The following KIF13B variants were observed in gnomAD, a reference collection of about 807,000 sequenced individuals.
KIF13B encodes the protein kinesin-like protein KIF13B.
KIF13B carries 127 observed loss-of-function variants against 222.0 expected under a neutral mutation model. That is an observed-to-expected ratio of 0.57 (90% CI 0.50 to 0.66). The LOEUF is 0.66. KIF13B is among the 30% of genes least tolerant of loss of function. The probability of loss-of-function intolerance (pLI) is 0.00; values close to 1 mark genes in which losing one functional copy is unlikely to be tolerated. For synonymous variants in KIF13B, 976 were observed against 919.0 expected (o/e 1.06, Z -1.12); for missense variants, 2,173 against 2,379.0 (o/e 0.91, Z 1.80).
intron 1 of KIF13B, among the ~76,000 whole-genome samples, chr8:29,257,750 T>C (rs1816538899): frequency 6.6e-6 from 1 of 151,982 alleles, no homozygotes; most frequent in South Asian, 2.1e-4. Context: ...AGGTTGAGGA[T>C]GCAGTGAGTG....
At chr8:29,091,258 C>T (rs965169138) in intron 37 of KIF13B, among the ~76,000 whole-genome samples, 2 of 152,202 alleles carry the variant, frequency 1.3e-5, no homozygotes, top group African/African-American at 2.4e-5. Flanking sequence ...GCTAATCACT[C>T]GTTGCCAAAA....
chr8:29,075,845 C>A (rs1178796956), intron 37 of KIF13B, among the ~76,000 whole-genome samples: 3 of 152,180 alleles, frequency 2.0e-5, no homozygotes, highest in Non-Finnish European at 2.9e-5. Context: ...CGGAAACTAA[C>A]CCTACTCAGG....
chr8:29,123,994 G>A (rs1407271048), intron 27 of KIF13B, 30 bp downstream of exon 27: 1 of 1,349,694 alleles, frequency 7.4e-7, no homozygotes, highest in Admixed American at 1.7e-5. Context: ...GATTTGCAGG[G>A]GAGAAAAATA....
upstream of KIF13B, chr8:29,263,085 C>T (rs1816750464): frequency 2.0e-6 from 3 of 1,526,430 alleles, no homozygotes; most frequent in East Asian, 5.1e-5. Flanking sequence ...CGGCCACCGG[C>T]GACTCTTCGG....
chr8:29,210,109 A>G (rs1814151218), intron 2 of KIF13B, among the ~76,000 whole-genome samples: 3 of 152,118 alleles, frequency 2.0e-5, no homozygotes, highest in Admixed American at 2.0e-4. Flanking sequence ...GCAGGAAAGT[A>G]GTAGGAAGAG....
chr8:29,233,619 T>TGAGG (rs1815381856), intron 2 of KIF13B, among the ~76,000 whole-genome samples: 1 of 152,234 alleles, frequency 6.6e-6, no homozygotes, highest in Admixed American at 6.5e-5. Context: ...TAAATATTAG[T>TGAGG]GAGGGCAATA....
chr8:29,128,826 A>G (rs568851910), intron 24 of KIF13B, among the ~76,000 whole-genome samples: 3 of 152,336 alleles, frequency 2.0e-5, no homozygotes, highest in African/African-American at 7.2e-5. Flanking sequence ...CACTTTTCAC[A>G]TGGTTAAAGC....
chr8:29,140,223 T>G (rs1419608468), intron 20 of KIF13B, 32 bp from the exon 21 acceptor site: 2 of 1,612,328 alleles, frequency 1.2e-6, no homozygotes, highest in East Asian at 4.5e-5. Flanking sequence ...GAAACATTTC[T>G]CCAGATTTGG....
rs554993674 is a variant in KIF13B, at chr8:29,155,793, G to A, written c.1468C>T (p.Pro490Ser). 5.6e-6 allele frequency: 9 copies of A among 1,598,050 alleles called. No individual in the cohort carries two copies. In the African/African-American group the frequency reaches 1.1e-4, roughly 19 times the overall value. ...DIQLCGMGIL[P>S]EHCIIDITSE... is the part of the protein sequence containing the mutation. Reference sequence around the variant, plus strand: ...GTGATGTCTATAATACAGTGTTCAGGAAGAATTCCCATGCCGCACAGTTGG... The same window carrying A: ...GTGATGTCTATAATACAGTGTTCAGAAAGAATTCCCATGCCGCACAGTTGG... Residue 490 changes from proline to serine, a missense_variant, in exon 14 of 40, where the codon CCT becomes TCT. Physicochemically the swap from Pro to Ser is moderately conservative, Grantham distance 74. This residue lies in a region of KIF13B where 1,480 missense variants were observed against 1,722.8 expected (regional missense o/e 0.86). Coordinates refer to ENST00000524189, the MANE Select transcript of KIF13B (RefSeq NM_015254.4).
intron 37 of KIF13B, among the ~76,000 whole-genome samples, chr8:29,082,426 A>T (rs558286935): frequency 4.2e-4 from 64 of 152,294 alleles, no homozygotes; most frequent in African/African-American, 1.5e-3. Context: ...AGTTTACTTT[A>T]CAAACTTCCA....
chr8:29,210,248 T>TA (rs1814157848), intron 2 of KIF13B, among the ~76,000 whole-genome samples: 1 of 152,194 alleles, frequency 6.6e-6, no homozygotes, highest in African/African-American at 2.4e-5. Flanking sequence ...TGACATTCAG[T>TA]ATACCTTTGT....
intron 19 of KIF13B, 65 bp downstream of exon 19, chr8:29,142,092 A>G: frequency 7.5e-7 from 1 of 1,330,758 alleles, no homozygotes; most frequent in South Asian, 1.2e-5. Flanking sequence ...TGAAATGGGT[A>G]GACTCATTCC....
intron 2 of KIF13B, among the ~76,000 whole-genome samples, chr8:29,226,451 T>C (rs1013289574): frequency 1.3e-5 from 2 of 152,178 alleles, no homozygotes; most frequent in African/African-American, 4.8e-5. Context: ...ATTTGTAGCA[T>C]GGGAGCCCTT....
chr8:29,175,559 C>T (rs1211588007), intron 10 of KIF13B, among the ~76,000 whole-genome samples: 3 of 152,230 alleles, frequency 2.0e-5, no homozygotes, highest in African/African-American at 7.2e-5. Flanking sequence ...GTGTGCTCTA[C>T]TCTGCAGCCT....
chr8:29,090,573 G>C (rs908680447), intron 37 of KIF13B, among the ~76,000 whole-genome samples: 32 of 152,148 alleles, frequency 2.1e-4, no homozygotes, highest in Non-Finnish European at 3.7e-4. Context: ...GCAAGGGGGA[G>C]CTCCCTGGCC....
At chr8:29,097,987 T>C (rs560826418) in intron 36 of KIF13B, among the ~76,000 whole-genome samples, 9 of 151,510 alleles carry the variant, frequency 5.9e-5, no homozygotes, top group African/African-American at 2.2e-4. Flanking sequence ...CTGGCTAACA[T>C]GGTGAAACTC....
intron 26 of KIF13B, 112 bp downstream of exon 26, chr8:29,126,370 A>C: frequency 1.4e-6 from 1 of 729,274 alleles, no homozygotes. Flanking sequence ...ACAACAAAAA[A>C]ATCAGTATGA....
chr8:29,151,267 G>A (rs11998577), intron 14 of KIF13B, among the ~76,000 whole-genome samples: 4,922 of 152,278 alleles, frequency 0.032, 274 homozygotes, highest in African/African-American at 0.11. Flanking sequence ...AAAGTTGGAA[G>A]CTAGCAGAGG....
chr8:29,231,841 C>A (rs1445550851), intron 2 of KIF13B, among the ~76,000 whole-genome samples: 4 of 151,702 alleles, frequency 2.6e-5, no homozygotes, highest in Admixed American at 2.6e-4. Context: ...GAACTCCAAT[C>A]AAAACTTCTT....
Sources: allele counts gnomAD v4.1 joint callset (sites outside exome capture counted in the v4.1 genomes callset), GRCh38; gene constraint gnomAD v4.1.1; regional missense constraint gnomAD v4.1.1; transcripts MANE v1.5; gene names NCBI Gene and HGNC (gene_info 2026-07-23, HGNC 2026-07-21).